UBE2D2: variants seen among roughly 807,000 people sequenced by gnomAD.
UBE2D2 encodes ubiquitin-conjugating enzyme E2 D2.
Under a neutral mutation model 24.2 loss-of-function variants are expected in UBE2D2, and 2 were observed. The ratio of observed to expected loss-of-function variants is 0.08; its 90% CI spans 0.03 to 0.26. The LOEUF (loss-of-function observed/expected upper bound fraction) is 0.26, where lower values mean the gene tolerates loss of function less well. Ranked by LOEUF, UBE2D2 falls within the 10% of genes least tolerant of loss-of-function variation. The probability of loss-of-function intolerance (pLI) is 1.00; values close to 1 mark genes in which losing one functional copy is unlikely to be tolerated. For missense variants in UBE2D2, 44 were observed against 177.6 expected, an observed-to-expected ratio of 0.25 and a Z score of 4.28; for synonymous variants, 58 against 56.5, an observed-to-expected ratio of 1.03 and a Z score of -0.12.
At chr5:139,606,171 T>C (rs1008010286) in intron 2 of UBE2D2, among the ~76,000 whole-genome samples, 2 of 152,056 alleles carry the variant, frequency 1.3e-5, no homozygotes, top group African/African-American at 2.4e-5. Context: ...TTTGTTTGTT[T>C]GTTTTTTTGA....
chr5:139,571,741 CTT>C (rs1561506558), intron 1 of UBE2D2, among the ~76,000 whole-genome samples: 1 of 151,670 alleles, frequency 6.6e-6, no homozygotes, highest in Non-Finnish European at 1.5e-5. Context: ...CTCTCTCTCT[CTT>C]TCCCTCTTTC....
intron 2 of UBE2D2, among the ~76,000 whole-genome samples, chr5:139,608,341 G>A (rs1435611670): frequency 6.6e-6 from 1 of 152,156 alleles, no homozygotes; most frequent in Non-Finnish European, 1.5e-5. Flanking sequence ...GCTGAAGCAG[G>A]AGAATTGCTT....
intron 1 of UBE2D2, among the ~76,000 whole-genome samples, chr5:139,562,574 G>A (rs1411918666): frequency 6.6e-6 from 1 of 152,150 alleles, no homozygotes; most frequent in Admixed American, 6.6e-5. Flanking sequence ...AACCACCAGA[G>A]AAATTATACA....
At position 139,592,065 on chromosome 5, in the gene UBE2D2, G is replaced by C. The variant is rs528439887; in HGVS notation, c.25-8307G>C. 2.8e-4 allele frequency among the ~76,000 whole-genome samples: 43 copies of C among 152,254 alleles called. No homozygotes were observed. In the South Asian group the frequency reaches 7.5e-3, roughly 26 times the overall value. On this transcript the variant is annotated intron_variant, in intron 1 of 6. Transcript: ENST00000398733. ...AAAAGTACAAAAATTAGCCGGGCCT[G>C]GTGGCGGGCGCCTGTAATCCCAGCT...
intron 1 of UBE2D2, among the ~76,000 whole-genome samples, chr5:139,527,255 C>A (rs189753644): frequency 6.6e-6 from 1 of 152,228 alleles, no homozygotes; most frequent in Non-Finnish European, 1.5e-5. Flanking sequence ...AGTTTCTATA[C>A]ATAGACAGTT....
At chr5:139,532,323 C>A (rs939278243) in intron 1 of UBE2D2, among the ~76,000 whole-genome samples, 1 of 150,360 alleles carries the variant, frequency 6.7e-6, no homozygotes, top group African/African-American at 2.4e-5. Flanking sequence ...AGATTACAGG[C>A]GCCTGCAACA....
At chr5:139,593,626 CT>C (rs952219053) in intron 1 of UBE2D2, among the ~76,000 whole-genome samples, 1 of 151,604 alleles carries the variant, frequency 6.6e-6, no homozygotes, top group African/African-American at 2.4e-5. Flanking sequence ...AAAATATGTA[CT>C]TTTTTTTAGA....
intron 1 of UBE2D2, among the ~76,000 whole-genome samples, chr5:139,582,980 T>TC (rs1024782361): frequency 2.0e-5 from 3 of 150,118 alleles, no homozygotes; most frequent in African/African-American, 7.3e-5. Flanking sequence ...TTTTTTTCTT[T>TC]TTTTTTTTTT....
At chr5:139,617,777 TC>T (rs1021141589) in intron 5 of UBE2D2, among the ~76,000 whole-genome samples, 4 of 152,048 alleles carry the variant, frequency 2.6e-5, no homozygotes, top group Admixed American at 2.6e-4. Flanking sequence ...CTCAGTTTTT[TC>T]ATCTGTAGAA....
intron 1 of UBE2D2, among the ~76,000 whole-genome samples, chr5:139,574,669 T>C (rs948961543): frequency 6.7e-6 from 1 of 149,620 alleles, no homozygotes; most frequent in Non-Finnish European, 1.5e-5. Flanking sequence ...GTATTCCTAG[T>C]ACCTAAAGCA....
chr5:139,591,944 A>G (rs868603496), intron 1 of UBE2D2, among the ~76,000 whole-genome samples: 1 of 152,130 alleles, frequency 6.6e-6, no homozygotes, highest in South Asian at 2.1e-4. Context: ...TCATGCCTGT[A>G]ATTCCAGCAC....
At chr5:139,553,033 G>A (rs1412606915) in intron 1 of UBE2D2, among the ~76,000 whole-genome samples, 2 of 151,908 alleles carry the variant, frequency 1.3e-5, no homozygotes, top group Admixed American at 6.6e-5. Context: ...TGGTCAGGCT[G>A]GTCCAGAACT....
intron 1 of UBE2D2, among the ~76,000 whole-genome samples, chr5:139,533,657 AAAAAGAAAAG>A (rs370279515): frequency 5.6e-4 from 83 of 148,754 alleles, no homozygotes; most frequent in African/African-American, 1.5e-3. Flanking sequence ...GTCTCAAAAA[AAAAAGAAAAG>A]AAAAGAAAAG....
chr5:139,538,216 T>C (rs573038773), intron 1 of UBE2D2, among the ~76,000 whole-genome samples: 1 of 152,154 alleles, frequency 6.6e-6, no homozygotes, highest in South Asian at 2.1e-4. Context: ...ACCCCTGACC[T>C]CAAATCATCA....
intron 1 of UBE2D2, among the ~76,000 whole-genome samples, chr5:139,577,845 G>A (rs115978758): frequency 4.5e-3 from 683 of 152,238 alleles, no homozygotes; most frequent in Non-Finnish European, 7.4e-3. Context: ...TTCGTACTGC[G>A]GTACATGTGT....
At chr5:139,593,232 G>C (rs1351530489) in intron 1 of UBE2D2, among the ~76,000 whole-genome samples, 1 of 151,674 alleles carries the variant, frequency 6.6e-6, no homozygotes, top group Non-Finnish European at 1.5e-5. Flanking sequence ...TTGACCTTGT[G>C]ATCCGTCCAC....
At chr5:139,585,935 C>CAAAAAAAAAAA (rs60277561) in intron 1 of UBE2D2, among the ~76,000 whole-genome samples, 3 of 25,562 alleles carry the variant, frequency 1.2e-4, no homozygotes, top group Non-Finnish European at 2.1e-4. Context: ...GACTCTGTCT[C>CAAAAAAAAAAA]AAAAAAAAAA....
At chr5:139,562,089 C>T (rs997879313) in intron 1 of UBE2D2, 1 of 926,638 alleles carries the variant, frequency 1.1e-6, no homozygotes, top group African/African-American at 1.7e-5. Flanking sequence ...GGCTTCTCTC[C>T]AGTCTGGGAC....
intron 2 of UBE2D2, among the ~76,000 whole-genome samples, chr5:139,602,861 A>C (rs1374529393): frequency 6.6e-6 from 1 of 152,200 alleles, no homozygotes; most frequent in Non-Finnish European, 1.5e-5. Flanking sequence ...ATTCTGACTT[A>C]CCTAGCGTGA....
Sources: gnomAD v4.1 joint callset for allele counts (sites outside exome capture counted in the v4.1 genomes callset) on GRCh38, gnomAD v4.1.1 for gene constraint, MANE v1.5 for transcripts, NCBI Gene and HGNC (gene_info 2026-07-23, HGNC 2026-07-21) for gene names.